Variants in TOX observed in about 807,000 individuals in gnomAD.
TOX encodes thymocyte selection-associated high mobility group box protein TOX.
Under a neutral mutation model 53.7 loss-of-function variants are expected in TOX, and 11 were observed. The observed-to-expected ratio is 0.20, with a 90% confidence interval of 0.13 to 0.34. TOX has a LOEUF of 0.34. TOX is among the 10% of genes least tolerant of loss of function. The pLI is 1.00. For synonymous variants in TOX, 225 were observed against 245.3 expected (o/e 0.92, Z 0.77); for missense variants, 570 against 664.6 (o/e 0.86, Z 1.56).
chr8:58,884,381 T>C (rs1037505167), intron 3 of TOX, among the ~76,000 whole-genome samples: 1 of 152,136 alleles, frequency 6.6e-6, no homozygotes, highest in East Asian at 1.9e-4. Flanking sequence ...TTAATAACAA[T>C]AGTAAACTGA....
intron 1 of TOX, among the ~76,000 whole-genome samples, chr8:59,009,018 C>T (rs1462704386): frequency 6.6e-6 from 1 of 151,838 alleles, no homozygotes; most frequent in Non-Finnish European, 1.5e-5. Context: ...TTATCTGTCC[C>T]CTCATTCCTT....
At chr8:58,810,324 T>C (rs1810056443) in intron 7 of TOX, among the ~76,000 whole-genome samples, 1 of 151,146 alleles carries the variant, frequency 6.6e-6, no homozygotes, top group Non-Finnish European at 1.5e-5. Flanking sequence ...TAGTGTAAAG[T>C]TCTCCATATT....
At chr8:58,968,185 A>G (rs1378370773) in intron 1 of TOX, among the ~76,000 whole-genome samples, 1 of 152,248 alleles carries the variant, frequency 6.6e-6, no homozygotes, top group Non-Finnish European at 1.5e-5. Flanking sequence ...TAAGAAAAGA[A>G]TATGTGGATG....
At chr8:59,074,073 C>T (rs1392491748) in intron 1 of TOX, among the ~76,000 whole-genome samples, 1 of 152,102 alleles carries the variant, frequency 6.6e-6, no homozygotes, top group African/African-American at 2.4e-5. Context: ...AATAAGTAAC[C>T]TTGGGCAAGT....
intron 1 of TOX, among the ~76,000 whole-genome samples, chr8:59,052,228 A>C (rs1333078531): frequency 1.3e-5 from 2 of 152,194 alleles, no homozygotes; most frequent in African/African-American, 4.8e-5. Context: ...TATATGTTTA[A>C]ATGTTTTCCT....
intron 3 of TOX, among the ~76,000 whole-genome samples, chr8:58,919,100 G>T (rs1348191915): frequency 6.6e-6 from 1 of 151,218 alleles, no homozygotes; most frequent in South Asian, 2.1e-4. Context: ...TGGGTAGGAA[G>T]AATCAATATT....
chr8:59,116,202 A>G (rs2129425270), intron 1 of TOX, among the ~76,000 whole-genome samples: 1 of 152,344 alleles, frequency 6.6e-6, no homozygotes, highest in South Asian at 2.1e-4. Flanking sequence ...TTTAAAATAA[A>G]GATAATTAGT....
chr8:58,956,151 A>C (rs949920920), intron 2 of TOX, among the ~76,000 whole-genome samples: 1 of 152,252 alleles, frequency 6.6e-6, no homozygotes, highest in Non-Finnish European at 1.5e-5. Context: ...GTTCTGAAGA[A>C]GAGAACTAGA....
At chr8:59,000,027 T>A (rs1296435186) in intron 1 of TOX, among the ~76,000 whole-genome samples, 2 of 152,174 alleles carry the variant, frequency 1.3e-5, no homozygotes, top group Non-Finnish European at 2.9e-5. Context: ...ACACTGGATA[T>A]TTAGTCAAAA....
At chr8:58,927,347 A>G (rs1015455491) in intron 3 of TOX, among the ~76,000 whole-genome samples, 2 of 152,172 alleles carry the variant, frequency 1.3e-5, no homozygotes, top group African/African-American at 4.8e-5. Flanking sequence ...AAAAGGCTCA[A>G]TTGAGGTTTC....
chr8:59,007,259 C>G (rs368771175), intron 1 of TOX, among the ~76,000 whole-genome samples: 1 of 151,622 alleles, frequency 6.6e-6, no homozygotes, highest in East Asian at 1.9e-4. Flanking sequence ...TTTCTTTTTA[C>G]TATACTTTAT....
intron 1 of TOX, among the ~76,000 whole-genome samples, chr8:59,091,847 C>T (rs998727803): frequency 2.6e-5 from 4 of 152,192 alleles, no homozygotes; most frequent in African/African-American, 9.6e-5. Context: ...ATTCTCCAGT[C>T]ACCTTCATCT....
At chr8:58,827,253 TA>T (rs1810381017) in intron 5 of TOX, among the ~76,000 whole-genome samples, 1 of 152,196 alleles carries the variant, frequency 6.6e-6, no homozygotes, top group Non-Finnish European at 1.5e-5. Context: ...CATTCATATT[TA>T]TATAATGGGC....
At chr8:58,891,543 G>A (rs1563380966) in intron 3 of TOX, among the ~76,000 whole-genome samples, 1 of 152,124 alleles carries the variant, frequency 6.6e-6, no homozygotes. Context: ...GGTATGGGGA[G>A]GGAGGTACCA....
chr8:58,946,941 C>G (rs997768257), intron 2 of TOX, among the ~76,000 whole-genome samples: 10 of 152,050 alleles, frequency 6.6e-5, no homozygotes, highest in Admixed American at 1.3e-4. Flanking sequence ...ATAGGTGATA[C>G]TAGATCTTCT....
chr8:58,873,958 C>CTCTTTTTTTTT (rs1491588338), intron 3 of TOX, among the ~76,000 whole-genome samples: 3 of 40,126 alleles, frequency 7.5e-5, no homozygotes, highest in Admixed American at 3.5e-4. Context: ...TGCCAGGAAG[C>CTCTTTTTTTTT]TTTTTTTTTT....
intron 3 of TOX, among the ~76,000 whole-genome samples, chr8:58,904,423 A>C (rs937142452): frequency 7.2e-5 from 11 of 152,138 alleles, no homozygotes; most frequent in East Asian, 1.9e-4. Context: ...ATTACAAAGG[A>C]GGTGCTTTCA....
At chr8:58,827,016 A>T in intron 5 of TOX, 114 bp from the exon 6 acceptor site, 4 of 518,704 alleles carry the variant, frequency 7.7e-6, no homozygotes, top group Non-Finnish European at 1.2e-5. Flanking sequence ...TATATAATAT[A>T]ATAATATATA....
intron 1 of TOX, among the ~76,000 whole-genome samples, chr8:59,099,123 C>T (rs949388884): frequency 2.0e-5 from 3 of 152,136 alleles, no homozygotes; most frequent in East Asian, 1.9e-4. Context: ...GATGACACTC[C>T]GCTTGCTTTT....
Sources: gnomAD v4.1 joint callset for allele counts (sites outside exome capture counted in the v4.1 genomes callset) on GRCh38, gnomAD v4.1.1 for gene constraint, MANE v1.5 for transcripts, NCBI Gene and HGNC (gene_info 2026-07-23, HGNC 2026-07-21) for gene names.